Variants in AGBL1 observed in about 807,000 individuals in gnomAD.
AGBL1 encodes cytosolic carboxypeptidase 4.
AGBL1 carries 130 observed loss-of-function variants against 118.9 expected under a neutral mutation model. That is an observed-to-expected ratio of 1.09 (90% CI 0.95 to 1.26). The LOEUF is 1.26. AGBL1 is among the 50% of genes most tolerant of loss of function. AGBL1 has a pLI of 0.00. For synonymous variants in AGBL1, 555 were observed against 478.9 expected (o/e 1.16, Z -2.08); for missense variants, 1,584 against 1,298.1 (o/e 1.22, Z -3.38).
chr15:86,840,626 G>A (rs1042814765), intron 22 of AGBL1, among the ~76,000 whole-genome samples: 11 of 151,936 alleles, frequency 7.2e-5, no homozygotes, highest in Non-Finnish European at 1.3e-4. Context: ...TGTATTTTTA[G>A]TACAGACGGG....
chr15:86,483,329 C>T (rs939747599), intron 18 of AGBL1, among the ~76,000 whole-genome samples: 10 of 152,032 alleles, frequency 6.6e-5, no homozygotes, highest in Admixed American at 2.0e-4. Flanking sequence ...GCTGAAACTG[C>T]AAAAGAGAGG....
intron 22 of AGBL1, among the ~76,000 whole-genome samples, chr15:86,900,096 GC>G (rs1220849656): frequency 2.6e-5 from 4 of 152,128 alleles, no homozygotes; most frequent in Non-Finnish European, 5.9e-5. Flanking sequence ...TGGGCTTACA[GC>G]AGTGATTTGC....
At chr15:86,669,357 A>G (rs947870900) in intron 21 of AGBL1, among the ~76,000 whole-genome samples, 1 of 152,182 alleles carries the variant, frequency 6.6e-6, no homozygotes, top group African/African-American at 2.4e-5. Context: ...TATGAAAAAA[A>G]TCAGAATTTA....
intron 18 of AGBL1, among the ~76,000 whole-genome samples, chr15:86,504,776 G>T (rs1238511995): frequency 6.6e-6 from 1 of 151,510 alleles, no homozygotes; most frequent in East Asian, 1.9e-4. Flanking sequence ...TACAGGTTAT[G>T]CCATTGTTTT....
At chr15:86,319,188 A>G (rs570980792) in intron 17 of AGBL1, among the ~76,000 whole-genome samples, 1 of 152,258 alleles carries the variant, frequency 6.6e-6, no homozygotes, top group Non-Finnish European at 1.5e-5. Context: ...CCGAGTATAT[A>G]CTTAGAAGGG....
chr15:86,267,121 G>A, intron 13 of AGBL1, 45 bp downstream of exon 13: 1 of 1,418,328 alleles, frequency 7.1e-7, no homozygotes, highest in East Asian at 2.5e-5. Context: ...CAGTTCGTAA[G>A]AGCAAGCTGT....
intron 18 of AGBL1, among the ~76,000 whole-genome samples, chr15:86,405,857 G>A (rs1348166996): frequency 6.6e-6 from 1 of 152,074 alleles, no homozygotes; most frequent in East Asian, 1.9e-4. Flanking sequence ...ATTAAGAACT[G>A]TAGAGGCAGC....
Position 86,229,761 on chromosome 15 carries a change from C to T in AGBL1, c.526+4810C>T, listed in dbSNP as rs74025031. 9.9e-3 allele frequency among the ~76,000 whole-genome samples: 1,505 copies of T among 152,222 alleles called. 23 individuals are homozygous for T. The highest frequency in any genetic ancestry group is 0.034 in the African/African-American group (1,416 of 41,542). On this transcript the variant is annotated intron_variant, in intron 6 of 22. Transcript: ENST00000614907. ...TGGAAGCGGCACTTGAGTAAGTGTG[C>T]GGCAATGGGATTATGCCTGATTTGT...
chr15:86,859,891 C>T (rs528325792), intron 22 of AGBL1, among the ~76,000 whole-genome samples: 12 of 152,270 alleles, frequency 7.9e-5, no homozygotes, highest in Admixed American at 1.3e-4. Context: ...CCTTGGACAA[C>T]TTAAAGATAC....
At chr15:86,159,276 G>A (rs2077234346) in intron 5 of AGBL1, among the ~76,000 whole-genome samples, 1 of 152,098 alleles carries the variant, frequency 6.6e-6, no homozygotes, top group South Asian at 2.1e-4. Context: ...GTTAAAATAT[G>A]TCGAGAGCCT....
At chr15:86,984,893 C>T (rs1840314504) in intron 23 of AGBL1, among the ~76,000 whole-genome samples, 1 of 152,194 alleles carries the variant, frequency 6.6e-6, no homozygotes, top group Non-Finnish European at 1.5e-5. Context: ...ATCCCTGCCT[C>T]CACTCCTGGC....
intron 21 of AGBL1, among the ~76,000 whole-genome samples, chr15:86,612,750 T>C (rs2346708): frequency 0.93 from 141,572 of 152,244 alleles, 65,956 homozygotes; most frequent in East Asian, 1. Flanking sequence ...TTTTCCAGAG[T>C]GTCTGACACC....
In AGBL1 at chr15:86,963,060, T is replaced by C. The variant is rs1360238356; in HGVS notation, c.3222-24927T>C. Among the ~76,000 whole-genome samples the C allele has an allele frequency of 2.0e-5, 3 of 152,068 alleles. No individual in the cohort carries two copies. In the East Asian group the frequency reaches 5.8e-4, roughly 29 times the overall value. ...AAGCATAAACAATGATATTAAAATA[T>C]CATGTAAGCCTTGAATAGGTGACCA... On this transcript the variant is annotated intron_variant, in intron 23 of 24. Transcript: ENST00000441037.
intron 19 of AGBL1, among the ~76,000 whole-genome samples, chr15:86,525,694 A>G (rs924069682): frequency 2.0e-5 from 3 of 152,182 alleles, no homozygotes. Context: ...CCTGTCTCTC[A>G]CCAAATACAA....
At chr15:86,787,946 T>A (rs2078437940) in intron 22 of AGBL1, among the ~76,000 whole-genome samples, 1 of 152,216 alleles carries the variant, frequency 6.6e-6, no homozygotes, top group Admixed American at 6.5e-5. Flanking sequence ...GCTATTTAAT[T>A]GCATTGAAAA....
intron 23 of AGBL1, among the ~76,000 whole-genome samples, chr15:86,982,991 T>A (rs2141724839): frequency 6.6e-6 from 1 of 152,324 alleles, no homozygotes; most frequent in Admixed American, 6.5e-5. Context: ...GACTGGAATT[T>A]GCTTTTCAGG....
At chr15:86,588,661 G>T (rs1191202630) in intron 21 of AGBL1, among the ~76,000 whole-genome samples, 2 of 152,188 alleles carry the variant, frequency 1.3e-5, no homozygotes, top group Non-Finnish European at 2.9e-5. Flanking sequence ...AGCACAGCAG[G>T]CTCACCTCTG....
chr15:86,557,825 A>G (rs1391188001), intron 21 of AGBL1, among the ~76,000 whole-genome samples: 1 of 152,192 alleles, frequency 6.6e-6, no homozygotes, highest in African/African-American at 2.4e-5. Flanking sequence ...AAGTAAGTGA[A>G]CAAGTAAATA....
At chr15:86,539,339 C>T (rs554038070) in intron 19 of AGBL1, among the ~76,000 whole-genome samples, 32 of 152,294 alleles carry the variant, frequency 2.1e-4, no homozygotes, top group African/African-American at 7.2e-4. Flanking sequence ...TTGTCTCTAA[C>T]TCCTGTAGAT....
Sources: gnomAD v4.1 joint callset for allele counts (sites outside exome capture counted in the v4.1 genomes callset) on GRCh38, gnomAD v4.1.1 for gene constraint, MANE v1.5 for transcripts, NCBI Gene and HGNC (gene_info 2026-07-23, HGNC 2026-07-21) for gene names.